SLCO1B1: variants seen among roughly 807,000 people sequenced by gnomAD.
SLCO1B1 encodes OATP-2.
In SLCO1B1, 81 loss-of-function variants were observed where a neutral mutation model predicts 70.1. The ratio of observed to expected loss-of-function variants is 1.16; its 90% CI spans 0.97 to 1.39. The LOEUF (loss-of-function observed/expected upper bound fraction) is 1.39. Among genes scored for constraint, SLCO1B1 ranks in the 40% most tolerant of loss-of-function variants. The pLI is 0.00. For missense variants in SLCO1B1, 895 were observed against 799.6 expected (o/e 1.12, Z -1.44); for synonymous variants, 283 against 271.5 (o/e 1.04, Z -0.42).
chr12:21,209,434 A>C (rs1033781133), intron 11 of SLCO1B1, among the ~76,000 whole-genome samples: 3 of 152,158 alleles, frequency 2.0e-5, no homozygotes, highest in African/African-American at 7.2e-5. Context: ...TATATGTGCC[A>C]CATTTTCTTA....
At chr12:21,218,765 C>T (rs143755444) in intron 12 of SLCO1B1, among the ~76,000 whole-genome samples, 8 of 152,184 alleles carry the variant, frequency 5.3e-5, no homozygotes, top group Admixed American at 2.6e-4. Flanking sequence ...GTTCCATCAT[C>T]GATGATAACA....
At chr12:21,174,538 G>C in intron 3 of SLCO1B1, 39 bp from the exon 4 acceptor site, 1 of 1,606,144 alleles carries the variant, frequency 6.2e-7, no homozygotes, top group Non-Finnish European at 8.5e-7. Context: ...ACGCAAAATT[G>C]AACTAAGCTG....
At chr12:21,184,010 C>T (rs1441860077) in intron 7 of SLCO1B1, among the ~76,000 whole-genome samples, 1 of 151,166 alleles carries the variant, frequency 6.6e-6, no homozygotes, top group Non-Finnish European at 1.5e-5. Flanking sequence ...GCTTAAAAAC[C>T]AGTTTTTATA....
At chr12:21,190,226 C>G (rs562907857) in intron 7 of SLCO1B1, among the ~76,000 whole-genome samples, 2 of 152,164 alleles carry the variant, frequency 1.3e-5, no homozygotes, top group Non-Finnish European at 2.9e-5. Flanking sequence ...TTTGACCATC[C>G]GTACACGTGA....
intron 8 of SLCO1B1, among the ~76,000 whole-genome samples, chr12:21,197,783 T>A (rs1941111431): frequency 6.6e-6 from 1 of 152,166 alleles, no homozygotes; most frequent in Admixed American, 6.6e-5. Context: ...ATCTATCTTA[T>A]CTAAATATTC....
intron 2 of SLCO1B1, among the ~76,000 whole-genome samples, chr12:21,162,770 G>C (rs149351831): frequency 0.01 from 1,553 of 152,214 alleles, 11 homozygotes; most frequent in Non-Finnish European, 0.017. Context: ...ATAATGAAGA[G>C]AGTAACTTAT....
At chr12:21,205,208 T>C (rs1941201588) in intron 10 of SLCO1B1, among the ~76,000 whole-genome samples, 1 of 151,926 alleles carries the variant, frequency 6.6e-6, no homozygotes. Flanking sequence ...ACAAAAAATA[T>C]ATTTTATAAT....
At chr12:21,203,478 C>A (rs537360607) in intron 10 of SLCO1B1, among the ~76,000 whole-genome samples, 2 of 152,098 alleles carry the variant, frequency 1.3e-5, no homozygotes, top group East Asian at 3.9e-4. Context: ...ATGCTCAGAT[C>A]ACAATTCAGT....
At chr12:21,211,731 A>G (rs1375991164) in intron 11 of SLCO1B1, among the ~76,000 whole-genome samples, 1 of 152,156 alleles carries the variant, frequency 6.6e-6, no homozygotes, top group Non-Finnish European at 1.5e-5. Context: ...TATTGCCACA[A>G]TTTCAGATCC....
In SLCO1B1 at chr12:21,155,714, A is replaced by C. The variant is rs555470290; in HGVS notation, c.84+14056A>C. 4.6e-5 allele frequency among the ~76,000 whole-genome samples: 7 copies of C among 152,314 alleles called. No homozygotes were observed. The South Asian group carries it at 1.5e-3, about 32-fold the overall frequency. The stretch of plus-strand genomic sequence containing the variant: ...AATGAGCCTCAAGGTGATGACCAGT[A>C]ACCAATAAATCACGTCACTCTGCCC... On this transcript the variant is annotated intron_variant, in intron 2 of 14. Coordinates refer to ENST00000256958, the MANE Select transcript of SLCO1B1 (RefSeq NM_006446.5).
intron 7 of SLCO1B1, among the ~76,000 whole-genome samples, chr12:21,186,675 A>AG (rs982517876): frequency 4.0e-5 from 6 of 151,874 alleles, no homozygotes; most frequent in African/African-American, 1.5e-4. Flanking sequence ...AAACAAAAAA[A>AG]GGGAAAAAAA....
intron 12 of SLCO1B1, among the ~76,000 whole-genome samples, chr12:21,219,293 T>C (rs893479647): frequency 5.3e-5 from 8 of 152,008 alleles, no homozygotes; most frequent in African/African-American, 1.9e-4. Flanking sequence ...AATGAAGAGA[T>C]AGAAAATAAA....
chr12:21,188,718 AG>A (rs1940991365), intron 7 of SLCO1B1, among the ~76,000 whole-genome samples: 1 of 152,144 alleles, frequency 6.6e-6, no homozygotes, highest in South Asian at 2.1e-4. Context: ...CTTCCTGTAG[AG>A]ACTGCAGAAC....
chr12:21,205,290 T>C (rs966079519), intron 10 of SLCO1B1, among the ~76,000 whole-genome samples: 23 of 152,020 alleles, frequency 1.5e-4, no homozygotes, highest in African/African-American at 5.3e-4. Context: ...AAGTATACTA[T>C]AGTTTTATTT....
chr12:21,138,336 A>C (rs1940257183), intron 1 of SLCO1B1, among the ~76,000 whole-genome samples: 1 of 152,186 alleles, frequency 6.6e-6, no homozygotes. Context: ...GAAGAATTGC[A>C]ATGCTAAATC....
chr12:21,171,849 G>A (rs1940759187), intron 2 of SLCO1B1, among the ~76,000 whole-genome samples: 2 of 152,038 alleles, frequency 1.3e-5, no homozygotes, highest in African/African-American at 4.8e-5. Context: ...GAGAGAGAGA[G>A]AGAAAGAGAG....
chr12:21,226,815 G>A (rs1359175662), intron 14 of SLCO1B1, among the ~76,000 whole-genome samples: 1 of 151,918 alleles, frequency 6.6e-6, no homozygotes, highest in African/African-American at 2.4e-5. Flanking sequence ...TGTGTGGGGC[G>A]GGGAGTATAT....
chr12:21,184,979 C>T (rs1323299708), intron 7 of SLCO1B1, among the ~76,000 whole-genome samples: 2 of 152,052 alleles, frequency 1.3e-5, no homozygotes, highest in African/African-American at 2.4e-5. Context: ...TCAGATAAAA[C>T]AGACATTAAA....
At chr12:21,134,058 G>T (rs1270122912) in intron 1 of SLCO1B1, among the ~76,000 whole-genome samples, 1 of 152,124 alleles carries the variant, frequency 6.6e-6, no homozygotes, top group Non-Finnish European at 1.5e-5. Context: ...GTTGAATTTT[G>T]TCAAAGGCCT....
Sources: gnomAD v4.1 joint callset for allele counts (sites outside exome capture counted in the v4.1 genomes callset) on GRCh38, gnomAD v4.1.1 for gene constraint, MANE v1.5 for transcripts, NCBI Gene and HGNC (gene_info 2026-07-23, HGNC 2026-07-21) for gene names.